The following SH2D4B variants were observed in gnomAD, a reference collection of about 807,000 sequenced individuals.
SH2D4B encodes the protein SH2 domain-containing protein 4B.
In SH2D4B, 45 loss-of-function variants were observed where a neutral mutation model predicts 61.5. The ratio of observed to expected loss-of-function variants is 0.73; its 90% CI spans 0.58 to 0.94. The LOEUF (loss-of-function observed/expected upper bound fraction) is 0.94, where lower values mean the gene tolerates loss of function less well. SH2D4B is among the 40% of genes least tolerant of loss of function. The pLI is 0.00. For missense variants in SH2D4B, 572 were observed against 574.2 expected (o/e 1.00, Z 0.04); for synonymous variants, 224 against 220.4 (o/e 1.02, Z -0.14).
chr10:80,628,484 T>A (rs933154305), intron 6 of SH2D4B, among the ~76,000 whole-genome samples: 2 of 152,156 alleles, frequency 1.3e-5, no homozygotes, highest in African/African-American at 2.4e-5. Context: ...TAAACTTTTT[T>A]AAATTGCCTA....
intron 6 of SH2D4B, among the ~76,000 whole-genome samples, chr10:80,620,535 G>A (rs368107181): frequency 8.5e-5 from 13 of 152,368 alleles, no homozygotes; most frequent in African/African-American, 3.1e-4. Flanking sequence ...GGCTCTGGAT[G>A]TAGAATCTGG....
At chr10:80,593,896 A>G (rs1408062467) in intron 4 of SH2D4B, among the ~76,000 whole-genome samples, 1 of 152,164 alleles carries the variant, frequency 6.6e-6, no homozygotes, top group Non-Finnish European at 1.5e-5. Flanking sequence ...TGCAGCGTCA[A>G]CTGCCTAGGC....
At chr10:80,635,267 G>A (rs1842883416) in intron 7 of SH2D4B, among the ~76,000 whole-genome samples, 1 of 152,184 alleles carries the variant, frequency 6.6e-6, no homozygotes, top group Non-Finnish European at 1.5e-5. Flanking sequence ...TTATGTTCGT[G>A]TGGCCGTTGG....
intron 3 of SH2D4B, among the ~76,000 whole-genome samples, chr10:80,579,045 G>A (rs4934351): frequency 0.24 from 36,999 of 152,046 alleles, 5,600 homozygotes; most frequent in East Asian, 0.46. Context: ...GAAAGAGAAA[G>A]TGCTTAGATT....
rs1166760360 is a variant in SH2D4B at position 80,539,558 on chromosome 10, C to G, written c.184+1043C>G. 6.6e-6 allele frequency among the ~76,000 whole-genome samples: 1 copy of G among 152,210 alleles called. No homozygotes were observed. Among genetic ancestry groups the G allele is most frequent in the Non-Finnish European group, 1.5e-5 (1 of 68,042 alleles). On this transcript the variant is annotated intron_variant, in intron 1 of 7. Coordinates refer to ENST00000646907, the MANE Select transcript of SH2D4B (RefSeq NM_001388272.1). The surrounding 1 kb of genome is among the most constrained non-coding windows in gnomAD (Gnocchi z 4.9). ...TTGGGAATGTCCTTCTGCCTTCATC[C>G]ACCTGACAGACTCCATCAGGAGTGG...
At chr10:80,596,353 A>G (rs1842385469) in intron 4 of SH2D4B, among the ~76,000 whole-genome samples, 1 of 152,268 alleles carries the variant, frequency 6.6e-6, no homozygotes, top group Non-Finnish European at 1.5e-5. Context: ...GAGAGTTCAC[A>G]AAGCCTTAGG....
In SH2D4B at chr10:80,572,959, TATATATATATATATATATATATA is replaced by T. The variant is rs1564771868; in HGVS notation, c.495+1382_495+1404del. Among the ~76,000 whole-genome samples, 44 of 7,684 alleles carry T rather than the reference TATATATATATATATATATATATA, an allele frequency of 5.7e-3. 2 individuals are homozygous for T. The highest frequency in any genetic ancestry group is 7.9e-3 in the African/African-American group (13 of 1,646). The allele number at this position is 7,684 out of a possible 152,430, so 5.0% of individuals were successfully genotyped here. On this transcript the variant is annotated intron_variant, in intron 3 of 7. Coordinates refer to ENST00000646907, the MANE Select transcript of SH2D4B (RefSeq NM_001388272.1). ...TGTATGTTGCAAATATATATATATA[TATATATATATATATATATATATA>T]TATATTTTTTTTTTTTTTTTTTTTT...
rs1462907824 is a variant in SH2D4B, at chr10:80,644,952, G to A, written c.*867G>A. The A allele has an allele frequency of 6.6e-6, 1 of 152,160 alleles. No homozygotes were observed. The highest frequency in any genetic ancestry group is 2.4e-5 in the African/African-American group (1 of 41,400). 9.4% of individuals were successfully genotyped at this position (152,160 alleles called of 1,614,324 possible). A position where few individuals can be genotyped will look rare whatever the true frequency, so the allele number is the denominator to read the frequency against. On this transcript the variant is annotated 3_prime_UTR_variant, in exon 8 of 8. Transcript: ENST00000646907. The stretch of plus-strand genomic sequence containing the variant: ...TAATTCCCTTGTCAACTTAATCTCA[G>A]TATGTTGCTTATATTAACAAGAAGA...
chr10:80,632,500 C>T (rs117655870), intron 6 of SH2D4B, among the ~76,000 whole-genome samples: 3 of 152,266 alleles, frequency 2.0e-5, no homozygotes, highest in East Asian at 3.9e-4. Context: ...ACCCTAGTAA[C>T]ACTCCCCTCC....
At chr10:80,609,577 G>C in intron 6 of SH2D4B, 26 bp downstream of exon 6, 1 of 1,613,510 alleles carries the variant, frequency 6.2e-7, no homozygotes, top group Non-Finnish European at 8.5e-7. Flanking sequence ...TGGGCCCTGT[G>C]CCAGATGATT....
At chr10:80,570,086 G>A in intron 1 of SH2D4B, 68 bp from the exon 2 acceptor site, 1 of 1,576,816 alleles carries the variant, frequency 6.3e-7, no homozygotes, top group Non-Finnish European at 8.7e-7. Flanking sequence ...TTTACCACTG[G>A]GCAGCTTAGG....
chr10:80,575,398 A>G (rs1237278531), intron 3 of SH2D4B, among the ~76,000 whole-genome samples: 1 of 152,036 alleles, frequency 6.6e-6, no homozygotes, highest in Non-Finnish European at 1.5e-5. Flanking sequence ...TTGGGAGCCA[A>G]CTGTCCCTGT....
chr10:80,600,520 C>CGTGTGTGT lies in SH2D4B; in HGVS notation c.644-3059_644-3058insGTGTGTGT, dbSNP rs769408150. Among the ~76,000 whole-genome samples the CGTGTGTGT allele has an allele frequency of 2.0e-3, 270 of 133,712 alleles. 3 individuals are homozygous for CGTGTGTGT. Among genetic ancestry groups the CGTGTGTGT allele is most frequent in the African/African-American group, 4.5e-3 (157 of 34,548 alleles). 87.7% of individuals were successfully genotyped at this position (133,712 alleles called of 152,430 possible). A position where few individuals can be genotyped will look rare whatever the true frequency, so the allele number is the denominator to read the frequency against. ...GTGGTGGAGCTACAGTGCAGAGTGG[C>CGTGTGTGT]ATGTGTGTGTGTGTGTGTGTGTGTG... On this transcript the variant is annotated intron_variant, in intron 4 of 7. Transcript: ENST00000646907.
chr10:80,604,549 G>T (rs1254987722), intron 5 of SH2D4B, among the ~76,000 whole-genome samples: 9 of 152,154 alleles, frequency 5.9e-5, no homozygotes, highest in Non-Finnish European at 5.9e-5. Flanking sequence ...GTAATCTGCA[G>T]AAGAGTCCAG....
At chr10:80,569,581 A>G (rs1206040335) in intron 1 of SH2D4B, among the ~76,000 whole-genome samples, 5 of 151,620 alleles carry the variant, frequency 3.3e-5, no homozygotes, top group Non-Finnish European at 7.4e-5. Context: ...AGCAATGACT[A>G]TGGACATCTG....
chr10:80,633,484 A>G (rs1326831970), intron 6 of SH2D4B, among the ~76,000 whole-genome samples: 1 of 152,214 alleles, frequency 6.6e-6, no homozygotes, highest in Non-Finnish European at 1.5e-5. Context: ...CCAGGTTGGC[A>G]GAGGTCGGGG....
At chr10:80,579,144 T>C (rs1842159597) in intron 3 of SH2D4B, among the ~76,000 whole-genome samples, 1 of 151,990 alleles carries the variant, frequency 6.6e-6, no homozygotes, top group Admixed American at 6.5e-5. Context: ...AGCCTGGTGA[T>C]GGAGAGAGAT....
At chr10:80,630,213 G>A (rs1352347204) in intron 6 of SH2D4B, among the ~76,000 whole-genome samples, 1 of 152,184 alleles carries the variant, frequency 6.6e-6, no homozygotes, top group African/African-American at 2.4e-5. Flanking sequence ...GCCTGCTAGA[G>A]GAATCTTGCT....
At position 80,570,176 on chromosome 10, in the gene SH2D4B, A is replaced by G. The variant is rs1370852012; in HGVS notation, c.207A>G (p.Gln69=). The G allele has an allele frequency of 6.2e-7, 1 of 1,614,090 alleles. No individual in the cohort carries two copies. Among genetic ancestry groups the G allele is most frequent in the South Asian group, 1.1e-5 (1 of 91,084 alleles). The part of the protein sequence containing the change: ...TKRAASDKHI[Q]WLLGADGEVW... ...AAGCAGCGAGTGACAAGCACATCCA[A>G]TGGCTCCTAGGGGCAGATGGCGAGG... is the stretch of plus-strand genomic sequence containing the variant. Residue 69 remains glutamine, a synonymous_variant, in exon 2 of 8, where the codon CAA becomes CAG. Transcript: ENST00000646907.
Sources: gnomAD v4.1 joint callset for allele counts (sites outside exome capture counted in the v4.1 genomes callset) on GRCh38, gnomAD v4.1.1 for gene constraint, Gnocchi (gnomAD v3.1) non-coding constraint, MANE v1.5 for transcripts, NCBI Gene and HGNC (gene_info 2026-07-23, HGNC 2026-07-21) for gene names.